The following GPC5 variants were observed in gnomAD, a reference collection of about 807,000 sequenced individuals.
GPC5 encodes glypican-5.
In GPC5, 47 loss-of-function variants were observed where a neutral mutation model predicts 53.9. The observed-to-expected ratio is 0.87, with a 90% CI of 0.69 to 1.11. GPC5 has a LOEUF of 1.11. Ranked by LOEUF, GPC5 falls within the 50% of genes most tolerant of loss-of-function variation. GPC5 has a pLI of 0.00. For missense variants in GPC5, 748 were observed against 713.1 expected, an observed-to-expected ratio of 1.05 and a Z score of -0.56; for synonymous variants, 286 against 263.3, an observed-to-expected ratio of 1.09 and a Z score of -0.84.
intron 7 of GPC5, among the ~76,000 whole-genome samples, chr13:92,759,620 C>T (rs1875074847): frequency 6.6e-6 from 1 of 151,986 alleles, no homozygotes; most frequent in Non-Finnish European, 1.5e-5. Flanking sequence ...TTGGTGGAGT[C>T]TTTAGGGCTC....
chr13:92,703,473 GT>G (rs958860136), intron 7 of GPC5, among the ~76,000 whole-genome samples: 5 of 151,222 alleles, frequency 3.3e-5, no homozygotes, highest in Non-Finnish European at 5.9e-5. Context: ...AAAGTCTAGG[GT>G]TTTTTGTCTT....
rs575777905 is a variant in GPC5, at chr13:91,593,790, T to C, written c.326-99397T>C. 2.6e-5 allele frequency among the ~76,000 whole-genome samples: 4 copies of C among 152,274 alleles called. No individual in the cohort carries two copies. In the South Asian group the frequency reaches 8.3e-4, roughly 32 times the overall value. On this transcript the variant is annotated intron_variant, in intron 2 of 7. Coordinates refer to ENST00000377067, the MANE Select transcript of GPC5 (RefSeq NM_004466.6). ...AACGAATGTTTTCATTTCATAAATA[T>C]ATTATTTCTAGTCTATTATCCTATG...
intron 7 of GPC5, among the ~76,000 whole-genome samples, chr13:92,583,829 G>T (rs1213871189): frequency 6.6e-6 from 1 of 152,126 alleles, no homozygotes; most frequent in East Asian, 1.9e-4. Flanking sequence ...AATCATGAGG[G>T]CAGGTCTTTC....
chr13:92,633,096 G>A (rs1321018622), intron 7 of GPC5, among the ~76,000 whole-genome samples: 2 of 151,994 alleles, frequency 1.3e-5, no homozygotes, highest in East Asian at 1.9e-4. Flanking sequence ...TCACCATGTT[G>A]GCCAGGCTGG....
intron 7 of GPC5, among the ~76,000 whole-genome samples, chr13:92,372,703 T>C (rs1188180915): frequency 6.6e-6 from 1 of 152,134 alleles, no homozygotes; most frequent in African/African-American, 2.4e-5. Flanking sequence ...AGAGTATCTT[T>C]TTTTGTGTTG....
intron 7 of GPC5, among the ~76,000 whole-genome samples, chr13:92,431,107 G>T (rs9589541): frequency 6.6e-6 from 1 of 152,026 alleles, no homozygotes; most frequent in Non-Finnish European, 1.5e-5. Flanking sequence ...CTGCATTTTA[G>T]ATTATCGTAA....
intron 7 of GPC5, among the ~76,000 whole-genome samples, chr13:92,519,404 A>G (rs1400681421): frequency 6.6e-6 from 1 of 152,228 alleles, no homozygotes; most frequent in Non-Finnish European, 1.5e-5. Flanking sequence ...CAAATGTAAA[A>G]GAACAGAAAT....
intron 2 of GPC5, among the ~76,000 whole-genome samples, chr13:91,669,553 G>A (rs2035196234): frequency 6.6e-6 from 1 of 151,656 alleles, no homozygotes; most frequent in South Asian, 2.1e-4. Context: ...GTCAACTACA[G>A]GAAGAGCTAG....
intron 7 of GPC5, among the ~76,000 whole-genome samples, chr13:92,281,035 G>A (rs1390292542): frequency 6.6e-6 from 1 of 152,148 alleles, no homozygotes; most frequent in African/African-American, 2.4e-5. Context: ...TGGAAAATTG[G>A]GTCACTCCCA....
At chr13:91,806,192 T>C (rs974928272) in intron 5 of GPC5, among the ~76,000 whole-genome samples, 9 of 151,520 alleles carry the variant, frequency 5.9e-5, no homozygotes, top group Non-Finnish European at 1.3e-4. Flanking sequence ...TCTGCCACCA[T>C]GCTCAGCTAA....
chr13:92,202,879 C>T (rs1281142581), intron 7 of GPC5, among the ~76,000 whole-genome samples: 1 of 152,048 alleles, frequency 6.6e-6, no homozygotes, highest in Non-Finnish European at 1.5e-5. Context: ...TTCTGAAGCA[C>T]ATTTTTTACA....
At chr13:92,698,950 A>T (rs541292084) in intron 7 of GPC5, among the ~76,000 whole-genome samples, 2 of 152,224 alleles carry the variant, frequency 1.3e-5, no homozygotes, top group East Asian at 3.9e-4. Context: ...TGCTGGTCTC[A>T]TCAAATGAGT....
intron 6 of GPC5, among the ~76,000 whole-genome samples, chr13:91,940,874 A>G (rs2039920342): frequency 6.6e-6 from 1 of 151,920 alleles, no homozygotes; most frequent in East Asian, 1.9e-4. Flanking sequence ...TAAGTTCTTT[A>G]TAGATTCTGG....
At chr13:92,084,292 T>A (rs1268817346) in intron 6 of GPC5, among the ~76,000 whole-genome samples, 3 of 152,240 alleles carry the variant, frequency 2.0e-5, no homozygotes, top group Non-Finnish European at 4.4e-5. Context: ...TTTTTAAATA[T>A]AACATATCAG....
chr13:91,857,045 T>TA (rs1287709648), intron 5 of GPC5, among the ~76,000 whole-genome samples: 1 of 151,364 alleles, frequency 6.6e-6, no homozygotes, highest in East Asian at 1.9e-4. Flanking sequence ...TGCCTTTGTT[T>TA]AAAATTAAAT....
At chr13:91,907,473 T>C (rs1307315176) in intron 5 of GPC5, among the ~76,000 whole-genome samples, 11 of 135,912 alleles carry the variant, frequency 8.1e-5, no homozygotes, top group African/African-American at 2.8e-4. Flanking sequence ...AATATAGATA[T>C]ATTAGGCTAC....
chr13:92,787,667 CAAAAA>C (rs71202562), intron 7 of GPC5, among the ~76,000 whole-genome samples: 2 of 56,264 alleles, frequency 3.6e-5, no homozygotes, highest in Non-Finnish European at 6.5e-5. Context: ...CTCATAGCTA[CAAAAA>C]AAAAAAAAAA....
At chr13:92,507,772 G>A (rs1880424499) in intron 7 of GPC5, among the ~76,000 whole-genome samples, 1 of 151,882 alleles carries the variant, frequency 6.6e-6, no homozygotes, top group African/African-American at 2.4e-5. Context: ...CTGATTCATA[G>A]GAATAAAATA....
intron 1 of GPC5, among the ~76,000 whole-genome samples, chr13:91,412,300 A>G (rs376174359): frequency 1.3e-4 from 20 of 152,236 alleles, no homozygotes; most frequent in African/African-American, 4.6e-4. Flanking sequence ...TTGCTAGTCC[A>G]TTTGCCAATA....
Sources: gnomAD v4.1 joint callset for allele counts (sites outside exome capture counted in the v4.1 genomes callset) on GRCh38, gnomAD v4.1.1 for gene constraint, MANE v1.5 for transcripts, NCBI Gene and HGNC (gene_info 2026-07-23, HGNC 2026-07-21) for gene names.